The following ERCC6 variants were observed in gnomAD, a reference collection of about 807,000 sequenced individuals.
ERCC6 encodes the protein DNA excision repair protein ERCC-6.
ERCC6 carries 116 observed loss-of-function variants against 158.7 expected under a neutral mutation model. That is an observed-to-expected ratio of 0.73 (90% CI 0.63 to 0.85). The LOEUF (loss-of-function observed/expected upper bound fraction) is 0.85, where lower values mean the gene tolerates loss of function less well. Among genes scored for constraint, ERCC6 ranks in the 40% least tolerant of loss-of-function variants. The probability of loss-of-function intolerance (pLI) is 0.00; values close to 1 mark genes in which losing one functional copy is unlikely to be tolerated. For missense variants in ERCC6, 1,698 were observed against 1,799.4 expected (o/e 0.94, Z 1.02); for synonymous variants, 678 against 659.3 (o/e 1.03, Z -0.43).
rs1487649497 is a variant in ERCC6, at chr10:49,470,200, T to C, written c.3760A>G (p.Lys1254Glu). The change falls in exon 18 of 21, where the codon AAG becomes GAG. Residue 1254 changes from lysine (K) to glutamate (E), a missense_variant. By Grantham distance (56) the Lys-to-Glu change is moderately conservative. Coordinates refer to ENST00000355832, the MANE Select transcript of ERCC6 (RefSeq NM_000124.4). ...GGATTACCTGATTTTTTGAAAAGCTTTTCCAAAACATAATCGTCATTGCTC... is the reference window on the plus strand; with the variant it reads ...GGATTACCTGATTTTTTGAAAAGCTCTTCCAAAACATAATCGTCATTGCTC... ...EQSNDDYVLE[K>E]LFKKSVGVHS... 3 of 1,614,194 alleles carry C rather than the reference T, an allele frequency of 1.9e-6. No individual in the cohort carries two copies. Among genetic ancestry groups the C allele is most frequent in the Non-Finnish European group, 1.7e-6 (2 of 1,180,010 alleles).
rs1338061432 is a variant in ERCC6 at position 49,532,819 on chromosome 10, GA to G, written c.145del (p.Ser49LeufsTer35). The G allele has an allele frequency of 1.2e-6, 2 of 1,614,080 alleles. No homozygotes were observed. Among genetic ancestry groups the G allele is most frequent in the African/African-American group, 1.3e-5 (1 of 74,932 alleles). ...GEVEEYLSFR[S>X]VGDGLSTSAV... Reference sequence around the variant, plus strand: ...AGAGGTGGACAGCCCGTCACCCACAGAACGAAAGGAGAGGTACTCCTCCACC... The same window carrying G: ...AGAGGTGGACAGCCCGTCACCCACAGACGAAAGGAGAGGTACTCCTCCACC... On this transcript the variant is annotated frameshift_variant, in exon 2 of 21. Transcript: ENST00000355832. LOFTEE classifies it high-confidence loss of function.
At position 49,473,015 on chromosome 10, in the gene ERCC6, A is replaced by G; in HGVS notation, c.2723T>C (p.Phe908Ser). Residue 908 changes from phenylalanine to serine, a missense_variant, in exon 15 of 21, where the codon TTT becomes TCT. Physicochemically the swap from Phe to Ser is radical, Grantham distance 155. Transcript: ENST00000355832. ...CACCCGCGTGGTCAGAAGAAACACA[A>G]ATATGGATGTGTCCTAGAGGTAAGA... ...ITRYNEDTSI[F>S]VFLLTTRVGG... 6.2e-7 allele frequency: 1 copy of G among 1,614,148 alleles called. No individual in the cohort carries two copies. Among genetic ancestry groups the G allele is most frequent in the Non-Finnish European group, 8.5e-7 (1 of 1,180,034 alleles).
In ERCC6 at chr10:49,471,128, A is replaced by T. The variant is rs147637331; in HGVS notation, c.2925-8T>A. 306 of 1,613,600 alleles carry T rather than the reference A, an allele frequency of 1.9e-4. No individual in the cohort carries two copies. Among genetic ancestry groups the T allele is most frequent in the Middle Eastern group, 1.2e-3 (7 of 6,062 alleles). On this transcript the variant is annotated splice_region_variant and splice_polypyrimidine_tract_variant and intron_variant, in intron 16 of 20. Transcript: ENST00000355832. ...AACTGCTTGAAGATTTGTCTAAAAA[A>T]ATAAAAGATAAGCTGGTATAAAACA...
chr10:49,488,198 G>C lies in ERCC6; in HGVS notation c.1822-4682C>G, dbSNP rs12257890. 2.5e-3 allele frequency: 536 copies of C among 215,888 alleles called. 3 individuals carry two copies. Among genetic ancestry groups the C allele is most frequent in the African/African-American group, 0.012 (505 of 43,490 alleles). 13.4% of individuals were successfully genotyped at this position (215,888 alleles called of 1,614,324 possible). On this transcript the variant is annotated intron_variant, in intron 8 of 20. Coordinates refer to ENST00000355832, the MANE Select transcript of ERCC6 (RefSeq NM_000124.4). ...TGTCATTAGAAGATGTCTGTGAAAG[G>C]GCTGCTGTTATTATGGAGGCTCAAG... is the stretch of plus-strand genomic sequence containing the variant.
At chr10:49,441,646 T>C in the ERCC6 span, among the ~76,000 whole-genome samples, 4 of 152,290 alleles carry the variant, frequency 2.6e-5, no homozygotes, top group African/African-American at 9.6e-5. Flanking sequence ...GGTGGGGTGC[T>C]GTATTTCCTG....
In ERCC6 at chr10:49,505,891, GCTT is replaced by G; in HGVS notation, c.1516_1518del (p.Lys506del). Reference sequence around the variant, plus strand: ...AGAACATATGGTACATACTTAAAAAGCTTTTTGAACAGAAAACCTGGCACTTTA... The same window carrying G: ...AGAACATATGGTACATACTTAAAAAGTTTGAACAGAAAACCTGGCACTTTA... On this transcript the variant is annotated inframe_deletion, in exon 6 of 21. Transcript: ENST00000355832. 6.2e-7 allele frequency: 1 copy of G among 1,613,080 alleles called. No individual in the cohort carries two copies.
At chr10:49,436,243 T>C in the ERCC6 span, among the ~76,000 whole-genome samples, 1 of 152,042 alleles carries the variant, frequency 6.6e-6, no homozygotes, top group Non-Finnish European at 1.5e-5. Flanking sequence ...AAAATTTCAC[T>C]AGGAAATATA....
the ERCC6 span, among the ~76,000 whole-genome samples, chr10:49,446,700 C>T: frequency 1.7e-4 from 26 of 152,106 alleles, no homozygotes; most frequent in Non-Finnish European, 3.1e-4. Context: ...ATCACTTGAG[C>T]CCAAGAGTTC....
chr10:49,537,013 G>A (rs1837613220), intron 1 of ERCC6, among the ~76,000 whole-genome samples: 1 of 152,244 alleles, frequency 6.6e-6, no homozygotes, highest in Non-Finnish European at 1.5e-5. Flanking sequence ...TTGGAAACCA[G>A]AAGGCTCTTA....
chr10:49,465,024 C>G (rs973027649), intron 18 of ERCC6, among the ~76,000 whole-genome samples: 2 of 152,188 alleles, frequency 1.3e-5, no homozygotes, highest in Non-Finnish European at 2.9e-5. Flanking sequence ...GACCCCAGAA[C>G]AGTAGATCCA....
intron 5 of ERCC6, 107 bp downstream of exon 5, chr10:49,523,926 G>A: frequency 6.6e-7 from 1 of 1,507,848 alleles, no homozygotes; most frequent in African/African-American, 1.4e-5. Context: ...TGTATAATCG[G>A]GGGGGTCTAA....
chr10:49,478,536 T>A, intron 10 of ERCC6, 66 bp from the exon 11 acceptor site: 1 of 922,270 alleles, frequency 1.1e-6, no homozygotes, highest in Non-Finnish European at 1.8e-6. Context: ...TTCTTACCTC[T>A]CAATTGCTTC....
At chr10:49,453,112 TTC>T (rs1850439211), downstream of ERCC6, among the ~76,000 whole-genome samples, 2 of 152,158 alleles carry the variant, frequency 1.3e-5, no homozygotes, top group African/African-American at 4.8e-5. Context: ...GTTCTTTTCA[TTC>T]TCTTTTAATA....
chr10:49,476,542 A>G (rs1850881151), intron 11 of ERCC6, among the ~76,000 whole-genome samples: 1 of 152,012 alleles, frequency 6.6e-6, no homozygotes, highest in African/African-American at 2.4e-5. Flanking sequence ...CACAGTCCCC[A>G]AAGACTGGCT....
At position 49,457,413 on chromosome 10, in the gene ERCC6, G is replaced by A. The variant is rs1850500819; in HGVS notation, c.*1402C>T. ...TCATATAGAACATCTCTAAGAAAAG[G>A]ATTCTTGGCTTAAGCAAAATATTAG... On this transcript the variant is annotated 3_prime_UTR_variant, in exon 21 of 21. Coordinates refer to ENST00000355832, the MANE Select transcript of ERCC6 (RefSeq NM_000124.4). 6.6e-6 allele frequency: 1 copy of A among 152,124 alleles called. No homozygotes were observed. Among genetic ancestry groups the A allele is most frequent in the African/African-American group, 2.4e-5 (1 of 41,432 alleles). The allele number at this position is 152,124 out of a possible 1,614,324, so 9.4% of individuals were successfully genotyped here. A position where few individuals can be genotyped will look rare whatever the true frequency, so the allele number is the denominator to read the frequency against.
chr10:49,514,288 G>T (rs1167063381), intron 5 of ERCC6, among the ~76,000 whole-genome samples: 2 of 152,104 alleles, frequency 1.3e-5, no homozygotes, highest in African/African-American at 4.8e-5. Flanking sequence ...AGTAAAATCA[G>T]TTTAGCAGTT....
intron 8 of ERCC6, among the ~76,000 whole-genome samples, chr10:49,490,648 C>T (rs58002245): frequency 0.2 from 29,701 of 152,116 alleles, 3,317 homozygotes; most frequent in South Asian, 0.35. Flanking sequence ...CCACCACGCC[C>T]GGACAATTTT....
At chr10:49,503,828 T>G (rs1204944172) in intron 6 of ERCC6, 1 of 152,216 alleles carries the variant, frequency 6.6e-6, no homozygotes, top group African/African-American at 2.4e-5. Context: ...AAATTTATTC[T>G]GCTATCCCTT....
At chr10:49,533,259 T>A (rs1160038125) in intron 1 of ERCC6, among the ~76,000 whole-genome samples, 2 of 152,132 alleles carry the variant, frequency 1.3e-5, no homozygotes, top group African/African-American at 2.4e-5. Context: ...AATCCTGGGG[T>A]GATGGCCATG....
Sources: gnomAD v4.1 joint callset for allele counts (sites outside exome capture counted in the v4.1 genomes callset) on GRCh38, gnomAD v4.1.1 for gene constraint, MANE v1.5 for transcripts, NCBI Gene and HGNC (gene_info 2026-07-23, HGNC 2026-07-21) for gene names.